IPO11: variants seen among roughly 807,000 people sequenced by gnomAD.
IPO11 encodes importin 11.
Under a neutral mutation model 143.2 loss-of-function variants are expected in IPO11, and 66 were observed. The observed-to-expected ratio is 0.46, with a 90% CI of 0.38 to 0.57. IPO11 has a LOEUF of 0.57. Among genes scored for constraint, IPO11 ranks in the 20% least tolerant of loss-of-function variants. The pLI is 0.00. For synonymous variants in IPO11, 385 were observed against 377.8 expected (o/e 1.02, Z -0.22); for missense variants, 1,026 against 1,141.0 (o/e 0.90, Z 1.45).
intron 29 of IPO11, among the ~76,000 whole-genome samples, chr5:62,612,245 A>C (rs75604866): frequency 0.089 from 13,492 of 152,214 alleles, 650 homozygotes; most frequent in East Asian, 0.14. Flanking sequence ...TAAAAAAATC[A>C]TTCAAAGGTA....
intron 1 of IPO11, among the ~76,000 whole-genome samples, chr5:62,421,510 C>T (rs115433365): frequency 0.018 from 2,664 of 152,198 alleles, 74 homozygotes; most frequent in African/African-American, 0.059. Context: ...TTTAATCTTT[C>T]GGGAGTACTG....
intron 20 of IPO11, among the ~76,000 whole-genome samples, chr5:62,517,725 A>G (rs1742074651): frequency 6.6e-6 from 1 of 152,106 alleles, no homozygotes; most frequent in African/African-American, 2.4e-5. Context: ...TTTTAAGCTC[A>G]ACTTGGGAGT....
intron 20 of IPO11, among the ~76,000 whole-genome samples, chr5:62,517,893 G>A (rs1742079823): frequency 6.6e-6 from 1 of 152,170 alleles, no homozygotes; most frequent in South Asian, 2.1e-4. Flanking sequence ...CCGGCCAAGA[G>A]TGCAAGGTTC....
chr5:62,442,835 G>A (rs1333538208), intron 2 of IPO11, 148 bp from the exon 3 acceptor site: 1 of 463,258 alleles, frequency 2.2e-6, no homozygotes, highest in East Asian at 4.0e-5. Context: ...TTGCACTCCA[G>A]CCTGGGCGAC....
At chr5:62,594,672 G>A (rs1745149040) in intron 28 of IPO11, among the ~76,000 whole-genome samples, 1 of 152,188 alleles carries the variant, frequency 6.6e-6, no homozygotes, top group African/African-American at 2.4e-5. Flanking sequence ...CACAAAATTA[G>A]CCATCACACT....
At chr5:62,535,598 C>T (rs1249533358) in intron 22 of IPO11, among the ~76,000 whole-genome samples, 1 of 151,836 alleles carries the variant, frequency 6.6e-6, no homozygotes, top group Non-Finnish European at 1.5e-5. Flanking sequence ...CATTTCCTGT[C>T]CCCTTCTTAT....
intron 27 of IPO11, among the ~76,000 whole-genome samples, chr5:62,569,206 TC>T (rs1744055951): frequency 6.6e-6 from 1 of 152,138 alleles, no homozygotes; most frequent in Non-Finnish European, 1.5e-5. Context: ...CTTCTCTCTC[TC>T]CCCCAAGCAC....
intron 16 of IPO11, among the ~76,000 whole-genome samples, chr5:62,497,476 C>CT (rs895449016): frequency 2.5e-4 from 38 of 151,398 alleles, no homozygotes; most frequent in African/African-American, 8.2e-4. Context: ...TTATTGATTA[C>CT]TTTTTTTTTG....
chr5:62,437,170 T>C (rs181744512), intron 1 of IPO11, 104 bp from the exon 2 acceptor site: 1,470 of 776,058 alleles, frequency 1.9e-3, no homozygotes, highest in Non-Finnish European at 2.3e-3. Flanking sequence ...ATTAGATGAA[T>C]GGGAGTAATT....
chr5:62,471,250 G>A (rs532276922), intron 7 of IPO11, among the ~76,000 whole-genome samples: 1 of 150,764 alleles, frequency 6.6e-6, no homozygotes, highest in South Asian at 2.1e-4. Context: ...CGCTTTGGGG[G>A]TTGCTCAGGA....
In IPO11 at chr5:62,429,914, C is replaced by A. The variant is rs771864066; in HGVS notation, c.-6-7360C>A. ...CTGGGATTACAGGAATGAGCCACTG[C>A]GCCTGGCCTGATTTTTATATTTTTA... is the stretch of plus-strand genomic sequence containing the variant. On this transcript the variant is annotated intron_variant, in intron 1 of 29. Coordinates refer to ENST00000325324, the MANE Select transcript of IPO11 (RefSeq NM_016338.5). Among the ~76,000 whole-genome samples the A allele has an allele frequency of 2.0e-5, 3 of 152,174 alleles. No homozygotes were observed. In the South Asian group the frequency reaches 6.2e-4, roughly 32 times the overall value.
chr5:62,498,750 GT>G (rs1741240421), intron 16 of IPO11, among the ~76,000 whole-genome samples: 1 of 152,114 alleles, frequency 6.6e-6, no homozygotes, highest in Non-Finnish European at 1.5e-5. Flanking sequence ...GGCACCTGTA[GT>G]CCCAGCTACT....
At chr5:62,541,371 CAAAA>C (rs368334894) in intron 24 of IPO11, among the ~76,000 whole-genome samples, 1 of 116,034 alleles carries the variant, frequency 8.6e-6, no homozygotes, top group African/African-American at 3.2e-5. Flanking sequence ...AACGCTGTCT[CAAAA>C]AAAAAAAAAA....
intron 5 of IPO11, among the ~76,000 whole-genome samples, chr5:62,464,956 G>A (rs571380866): frequency 2.0e-5 from 3 of 152,176 alleles, no homozygotes; most frequent in South Asian, 4.2e-4. Context: ...GCAAGATATC[G>A]GTTTAAAGTA....
chr5:62,523,568 G>A (rs145689777), intron 20 of IPO11, among the ~76,000 whole-genome samples: 13 of 152,176 alleles, frequency 8.5e-5, no homozygotes, highest in African/African-American at 3.1e-4. Flanking sequence ...ATGGAGAGAA[G>A]GGGAAAGATT....
intron 27 of IPO11, among the ~76,000 whole-genome samples, chr5:62,584,397 A>G (rs1744683958): frequency 1.3e-5 from 2 of 152,100 alleles, no homozygotes; most frequent in African/African-American, 2.4e-5. Flanking sequence ...CAGGAATTCG[A>G]GACCAGCCTG....
At chr5:62,541,093 C>T (rs926390063) in intron 24 of IPO11, among the ~76,000 whole-genome samples, 3 of 152,132 alleles carry the variant, frequency 2.0e-5, no homozygotes, top group Non-Finnish European at 2.9e-5. Context: ...TTTTGGTCGC[C>T]AGGTGCCGTG....
At chr5:62,502,659 G>A (rs1010989486) in intron 16 of IPO11, among the ~76,000 whole-genome samples, 2 of 152,128 alleles carry the variant, frequency 1.3e-5, no homozygotes, top group Non-Finnish European at 2.9e-5. Context: ...TTTTATTCAG[G>A]TGTCTTGTTT....
chr5:62,509,502 G>A (rs958411941), intron 19 of IPO11, among the ~76,000 whole-genome samples: 1 of 152,118 alleles, frequency 6.6e-6, no homozygotes, highest in Non-Finnish European at 1.5e-5. Context: ...TCTTTGGTAA[G>A]AACACTTAAC....
Sources: allele counts gnomAD v4.1 joint callset (sites outside exome capture counted in the v4.1 genomes callset), GRCh38; gene constraint gnomAD v4.1.1; transcripts MANE v1.5; gene names NCBI Gene and HGNC (gene_info 2026-07-23, HGNC 2026-07-21).